Variants in LATS2 observed in about 807,000 individuals in gnomAD.
LATS2 encodes the protein large tumor suppressor kinase 2, also known as serine/threonine-protein kinase LATS2.
LATS2 carries 24 observed loss-of-function variants against 76.0 expected under a neutral mutation model. The observed-to-expected ratio is 0.32, with a 90% confidence interval of 0.23 to 0.44. The LOEUF is 0.44. Among genes scored for constraint, LATS2 ranks in the 20% least tolerant of loss-of-function variants. The pLI is 1.00. For missense variants in LATS2, 1,286 were observed against 1,481.2 expected, an observed-to-expected ratio of 0.87 and a Z score of 2.16; for synonymous variants, 692 against 635.4, an observed-to-expected ratio of 1.09 and a Z score of -1.34.
At chr13:20,976,704 A>T (rs61950150) in intron 7 of LATS2, among the ~76,000 whole-genome samples, 34,543 of 151,984 alleles carry the variant, frequency 0.23, 4,635 homozygotes, top group East Asian at 0.51. Flanking sequence ...ATATAATTAA[A>T]CACTAGGGAA....
At chr13:21,023,284 G>A (rs1022086467) in intron 2 of LATS2, among the ~76,000 whole-genome samples, 1 of 151,210 alleles carries the variant, frequency 6.6e-6, no homozygotes, top group Non-Finnish European at 1.5e-5. Context: ...TCTTTTTAGA[G>A]ATAGGGTCTC....
intron 2 of LATS2, among the ~76,000 whole-genome samples, chr13:21,026,326 TA>T (rs56205739): frequency 0.75 from 113,970 of 151,814 alleles, 43,077 homozygotes; most frequent in East Asian, 0.88. Context: ...CACTATGAGT[TA>T]ACCATTCTCT....
At chr13:20,982,649 G>A (rs1869943832) in intron 5 of LATS2, among the ~76,000 whole-genome samples, 2 of 152,074 alleles carry the variant, frequency 1.3e-5, no homozygotes, top group Admixed American at 6.6e-5. Context: ...AATGAGGCAG[G>A]TGATGGTTCC....
At chr13:21,035,349 T>C (rs1358426439) in intron 2 of LATS2, among the ~76,000 whole-genome samples, 2 of 152,320 alleles carry the variant, frequency 1.3e-5, no homozygotes, top group Admixed American at 6.5e-5. Flanking sequence ...ACATTCTATT[T>C]CCTTGTTGGT....
Position 21,043,465 on chromosome 13 carries a change from A to G in LATS2, c.342+2220T>C, listed in dbSNP as rs550675776. On this transcript the variant is annotated intron_variant, in intron 2 of 7. Transcript: ENST00000382592. ...TTCACATAATGACTTTCCTACCTGAATTTTCTGAACGCAAATACATTTTTT... is the reference window on the plus strand; with the variant it reads ...TTCACATAATGACTTTCCTACCTGAGTTTTCTGAACGCAAATACATTTTTT... Among the ~76,000 whole-genome samples the G allele has an allele frequency of 5.3e-5, 8 of 152,242 alleles. No homozygotes were observed. The East Asian group carries it at 1.5e-3, about 29-fold the overall frequency.
chr13:20,990,456 C>T (rs1173257403), intron 3 of LATS2, among the ~76,000 whole-genome samples: 2 of 99,942 alleles, frequency 2.0e-5, no homozygotes, highest in Non-Finnish European at 4.2e-5. Context: ...TTGCTAATTA[C>T]TAGGATTTTT....
intron 4 of LATS2, among the ~76,000 whole-genome samples, chr13:20,985,146 T>C (rs1214750078): frequency 1.3e-5 from 2 of 152,258 alleles, no homozygotes; most frequent in African/African-American, 4.8e-5. Context: ...TTAAAACAGA[T>C]TAAAGACCTA....
Position 20,988,856 on chromosome 13 carries a change from G to C in LATS2, c.924C>G (p.Ala308=), listed in dbSNP as rs769212994. ...PGAGLAFPPP[A]AGLYVPHPHH... ...GTGGGTGCGGCACGTAGAGCCCGGC[G>C]GCAGGGGGTGGGAAAGCGAGGCCGG... The change falls in exon 4 of 8, where the codon GCC becomes GCG. Residue 308 remains alanine, a synonymous_variant. Transcript: ENST00000382592. 6.3e-6 allele frequency: 10 copies of C among 1,586,584 alleles called. No individual in the cohort carries two copies. The highest frequency in any genetic ancestry group is 8.5e-6 in the Non-Finnish European group (10 of 1,172,630).
intron 2 of LATS2, among the ~76,000 whole-genome samples, chr13:21,001,542 G>A (rs554137824): frequency 2.6e-5 from 4 of 152,198 alleles, no homozygotes; most frequent in South Asian, 2.1e-4. Context: ...TCCTCAGATC[G>A]CACCATGGTT....
intron 2 of LATS2, among the ~76,000 whole-genome samples, chr13:21,019,244 G>T (rs1261870317): frequency 1.3e-5 from 2 of 151,774 alleles, no homozygotes; most frequent in South Asian, 2.1e-4. Context: ...CAGCTGAAAG[G>T]TTTTAAAAAA....
chr13:21,049,108 C>G (rs1482584770), intron 1 of LATS2, among the ~76,000 whole-genome samples: 1 of 152,154 alleles, frequency 6.6e-6, no homozygotes, highest in Non-Finnish European at 1.5e-5. Context: ...TTAGGCTCCA[C>G]CCACCACATT....
At chr13:21,033,593 C>T (rs1460455339) in intron 2 of LATS2, among the ~76,000 whole-genome samples, 1 of 150,962 alleles carries the variant, frequency 6.6e-6, no homozygotes, top group Non-Finnish European at 1.5e-5. Context: ...GACAGACACA[C>T]ACGGTATCGC....
rs1276613254 is a variant in LATS2, at chr13:20,981,622, C to T, written c.2509G>A (p.Glu837Lys). 3.7e-6 allele frequency: 6 copies of T among 1,611,644 alleles called. No homozygotes were observed. The highest frequency in any genetic ancestry group is 5.1e-6 in the Non-Finnish European group (6 of 1,179,140). ...KGSHVRQDSM[E>K]PSDLWDDVSN... ...ACATCATCCCAGAGGTCGCTGGGCT[C>T]CATGCTGTCCTGTCTGACATGGCTC... Residue 837 changes from glutamate to lysine, a missense_variant, in exon 6 of 8, where the codon GAG (glutamate) becomes AAG (lysine). Physicochemically the swap from Glu to Lys is moderately conservative, Grantham distance 56 (BLOSUM62 1). Around this residue, in one of 5 missense-constraint regions of LATS2, gnomAD observed 247 missense variants for 385.4 expected, o/e 0.64. Coordinates refer to ENST00000382592, the MANE Select transcript of LATS2 (RefSeq NM_014572.3).
intron 2 of LATS2, among the ~76,000 whole-genome samples, chr13:21,035,047 A>G (rs1872649176): frequency 7.3e-6 from 1 of 136,604 alleles, no homozygotes; most frequent in Non-Finnish European, 1.8e-5. Flanking sequence ...CCCGAGAAAC[A>G]TAGCAAGACT....
chr13:20,974,682 G>A lies in LATS2; in HGVS notation c.*188C>T, dbSNP rs1286865383. 1.7e-6 allele frequency: 1 copy of A among 594,616 alleles called. No homozygotes were observed. Among genetic ancestry groups the A allele is most frequent in the Non-Finnish European group, 2.9e-6 (1 of 346,674 alleles). 36.8% of individuals were successfully genotyped at this position (594,616 alleles called of 1,614,324 possible). Reference sequence around the variant, plus strand: ...AGGTCCTGAAAAGCCTATTGAAAGCGATGCTGAGTCCTGTTTTCAAAAGTG... The same window carrying A: ...AGGTCCTGAAAAGCCTATTGAAAGCAATGCTGAGTCCTGTTTTCAAAAGTG... On this transcript the variant is annotated 3_prime_UTR_variant, in exon 8 of 8. Transcript: ENST00000382592.
chr13:20,988,124 C>T lies in LATS2; in HGVS notation c.1656G>A (p.Glu552=). 1 of 1,614,260 alleles carries T rather than the reference C, an allele frequency of 6.2e-7. No individual in the cohort carries two copies. Among genetic ancestry groups the T allele is most frequent in the Non-Finnish European group, 8.5e-7 (1 of 1,180,040 alleles). Reference sequence around the variant, plus strand: ...CGCTTTTGCGGCTCTTGTCGCCGCCCTCGGGCTCGTTGGGGCCCGCACGGA... The same window carrying T: ...CGCTTTTGCGGCTCTTGTCGCCGCCTTCGGGCTCGTTGGGGCCCGCACGGA... The part of the protein sequence containing the change: ...QSLRAGPNEP[E]GGDKSRKSAK... Residue 552 remains glutamate (E), a synonymous_variant, in exon 4 of 8, where the codon GAG becomes GAA. Coordinates refer to ENST00000382592, the MANE Select transcript of LATS2 (RefSeq NM_014572.3).
At chr13:20,996,157 A>G (rs1376724730) in intron 2 of LATS2, among the ~76,000 whole-genome samples, 1 of 152,158 alleles carries the variant, frequency 6.6e-6, no homozygotes, top group Non-Finnish European at 1.5e-5. Flanking sequence ...TTGGCACAAG[A>G]TACCTGCAGT....
intron 2 of LATS2, among the ~76,000 whole-genome samples, chr13:21,019,206 A>G (rs931063663): frequency 1.3e-5 from 2 of 152,308 alleles, no homozygotes; most frequent in Middle Eastern, 3.4e-3. Context: ...CACCCAGTAA[A>G]TGTTAGCTAT....
intron 3 of LATS2, among the ~76,000 whole-genome samples, chr13:20,990,360 T>C (rs1044524366): frequency 6.6e-6 from 1 of 150,910 alleles, no homozygotes; most frequent in African/African-American, 2.4e-5. Flanking sequence ...CTTTTAACAA[T>C]GGAGATATAA....
Sources: gnomAD v4.1 joint callset for allele counts (sites outside exome capture counted in the v4.1 genomes callset) on GRCh38, gnomAD v4.1.1 for gene constraint, gnomAD v4.1.1 regional missense constraint, MANE v1.5 for transcripts, NCBI Gene and HGNC (gene_info 2026-07-23, HGNC 2026-07-21) for gene names.